DPP6: variants seen among roughly 807,000 people sequenced by gnomAD.
DPP6 encodes the protein A-type potassium channel modulatory protein DPP6.
In DPP6, 69 loss-of-function variants were observed where a neutral mutation model predicts 122.6. The observed-to-expected ratio is 0.56, with a 90% CI of 0.46 to 0.69. The LOEUF (loss-of-function observed/expected upper bound fraction) is 0.69. Among genes scored for constraint, DPP6 ranks in the 30% least tolerant of loss-of-function variants. DPP6 has a pLI of 0.00. For synonymous variants in DPP6, 418 were observed against 433.1 expected (o/e 0.97, Z 0.43); for missense variants, 928 against 1,116.9 (o/e 0.83, Z 2.41).
intron 1 of DPP6, among the ~76,000 whole-genome samples, chr7:154,209,685 G>A (rs80269887): frequency 8.8e-4 from 134 of 152,204 alleles, no homozygotes; most frequent in African/African-American, 3.0e-3. Context: ...TATCATCATC[G>A]TTTCCTACAG....
chr7:154,701,128 C>T (rs563729319), intron 7 of DPP6, among the ~76,000 whole-genome samples: 7 of 152,284 alleles, frequency 4.6e-5, no homozygotes, highest in Admixed American at 3.3e-4. Context: ...CAGGATCCTC[C>T]TGGAGTTCCC....
intron 1 of DPP6, among the ~76,000 whole-genome samples, chr7:154,402,424 A>C (rs964557708): frequency 1.6e-4 from 24 of 150,472 alleles, no homozygotes; most frequent in Non-Finnish European, 4.4e-5. Flanking sequence ...AGCCATAAAA[A>C]ATGATGAGTT....
At chr7:154,740,800 A>G (rs561289664) in intron 8 of DPP6, among the ~76,000 whole-genome samples, 1 of 151,912 alleles carries the variant, frequency 6.6e-6, no homozygotes, top group African/African-American at 2.4e-5. Flanking sequence ...CGTCACCCCC[A>G]CACACAGGAC....
intron 3 of DPP6, among the ~76,000 whole-genome samples, chr7:154,524,357 T>C (rs1462252178): frequency 1.3e-5 from 2 of 152,204 alleles, no homozygotes; most frequent in Non-Finnish European, 2.9e-5. Flanking sequence ...TGTCCTTGTG[T>C]CAGTTATCTA....
intron 1 of DPP6, among the ~76,000 whole-genome samples, chr7:154,257,425 T>A (rs1025865997): frequency 1.3e-5 from 2 of 152,092 alleles, no homozygotes; most frequent in East Asian, 3.9e-4. Context: ...CTGGTGCGGG[T>A]GGCTCATACC....
In DPP6 at chr7:154,191,982, G is replaced by GA. The variant is rs199817118; in HGVS notation, c.243+138927dup. ...TATCGACTAAGAAAAAGAGGCAGGA[G>GA]AAAAAAAACCACACACAAGACAAAC... On this transcript the variant is annotated intron_variant, in intron 1 of 25. Transcript: ENST00000377770. 1.4e-3 allele frequency among the ~76,000 whole-genome samples: 208 copies of GA among 152,060 alleles called. 4 individuals carry two copies. The East Asian group carries it at 0.037, about 27-fold the overall frequency.
At chr7:154,214,559 C>T (rs910463020) in intron 1 of DPP6, among the ~76,000 whole-genome samples, 3 of 152,250 alleles carry the variant, frequency 2.0e-5, no homozygotes, top group Non-Finnish European at 2.9e-5. Context: ...TTCTGATGGA[C>T]ACTGTTAGCA....
rs528696431 is a variant in DPP6 at position 154,537,729 on chromosome 7, A to G, written c.458-2803A>G. 9.1e-4 allele frequency among the ~76,000 whole-genome samples: 137 copies of G among 151,318 alleles called. 4 individuals are homozygous for G. The South Asian group carries it at 0.025, about 27-fold the overall frequency. On this transcript the variant is annotated intron_variant, in intron 3 of 25. Coordinates refer to ENST00000377770, the MANE Select transcript of DPP6 (RefSeq NM_130797.4). ...GAAAGGAAGGAAAGAAGGAAGGAAG[A>G]AAGAAAGAAAAAGAAAAGGAAAGGA...
intron 3 of DPP6, among the ~76,000 whole-genome samples, chr7:154,517,600 A>G (rs79364458): frequency 0.062 from 9,428 of 152,092 alleles, 433 homozygotes; most frequent in Admixed American, 0.15. Flanking sequence ...TCTAGTTGAC[A>G]TTGTTTAGTT....
intron 1 of DPP6, among the ~76,000 whole-genome samples, chr7:154,146,463 G>A (rs1424422273): frequency 2.6e-5 from 4 of 151,872 alleles, no homozygotes; most frequent in South Asian, 2.1e-4. Context: ...TTACATATGT[G>A]TGTCCTCCTG....
chr7:154,590,076 A>G (rs1186721441), intron 5 of DPP6, among the ~76,000 whole-genome samples: 3 of 152,142 alleles, frequency 2.0e-5, no homozygotes, highest in African/African-American at 7.2e-5. Context: ...TTCTTTAATA[A>G]CCACATCCCC....
At chr7:154,879,462 C>T (rs1805172233) in intron 20 of DPP6, among the ~76,000 whole-genome samples, 1 of 134,582 alleles carries the variant, frequency 7.4e-6, no homozygotes, top group Non-Finnish European at 1.5e-5. Context: ...AGGTGGCGGG[C>T]ACCTGTAGTC....
upstream of DPP6, among the ~76,000 whole-genome samples, chr7:153,883,627 G>A (rs1283768087): frequency 2.6e-5 from 4 of 152,144 alleles, no homozygotes; most frequent in South Asian, 2.1e-4. Flanking sequence ...TGGTCCACCC[G>A]CCTCGGCCTC....
the DPP6 span, among the ~76,000 whole-genome samples, chr7:153,788,424 G>A: frequency 6.6e-6 from 1 of 152,162 alleles, no homozygotes; most frequent in Non-Finnish European, 1.5e-5. Context: ...AAAAGAATTC[G>A]ATTAGCTCAG....
At chr7:154,669,862 T>C (rs1299691323) in intron 7 of DPP6, among the ~76,000 whole-genome samples, 2 of 152,172 alleles carry the variant, frequency 1.3e-5, no homozygotes, top group South Asian at 2.1e-4. Flanking sequence ...TGTTTTTTGT[T>C]TGTTTGTTTC....
At chr7:154,577,007 G>T (rs2130636916) in intron 5 of DPP6, among the ~76,000 whole-genome samples, 1 of 152,244 alleles carries the variant, frequency 6.6e-6, no homozygotes, top group Non-Finnish European at 1.5e-5. Flanking sequence ...GGGTAGAGTG[G>T]GGATATCAGA....
At position 153,967,060 on chromosome 7, in the gene DPP6, C is replaced by T. The variant is rs572711142; in HGVS notation, c.51+79326C>T. Among the ~76,000 whole-genome samples, 25 of 145,662 alleles carry T rather than the reference C, an allele frequency of 1.7e-4. 1 individual carries two copies. The South Asian group carries it at 5.5e-3, about 32-fold the overall frequency. The stretch of plus-strand genomic sequence containing the variant: ...CCGGTCTGAGTGACAGGGCAAGACC[C>T]TGTCTCACAAACAAACAAACAAACA... On this transcript the variant is annotated intron_variant, in intron 1 of 25. Coordinates refer to the DPP6 transcript ENST00000404039.
At chr7:154,773,450 C>A (rs1796374493) in intron 10 of DPP6, among the ~76,000 whole-genome samples, 1 of 152,128 alleles carries the variant, frequency 6.6e-6, no homozygotes, top group South Asian at 2.1e-4. Context: ...ATTGTGGTCG[C>A]TTTTTTCTAA....
intron 1 of DPP6, among the ~76,000 whole-genome samples, chr7:154,140,531 G>C (rs1795793391): frequency 6.6e-6 from 1 of 152,092 alleles, no homozygotes. Context: ...ATGTTGCCCA[G>C]GTTGGTCTCG....
Sources: gnomAD v4.1 joint callset for allele counts (sites outside exome capture counted in the v4.1 genomes callset) on GRCh38, gnomAD v4.1.1 for gene constraint, MANE v1.5 for transcripts, NCBI Gene and HGNC (gene_info 2026-07-23, HGNC 2026-07-21) for gene names.